SYNCRIP: variants seen among roughly 807,000 people sequenced by gnomAD.
SYNCRIP encodes the protein heterogeneous nuclear ribonucleoprotein Q.
In SYNCRIP, 9 loss-of-function variants were observed where a neutral mutation model predicts 68.9. The ratio of observed to expected loss-of-function variants is 0.13; its 90% CI spans 0.08 to 0.23. The LOEUF (loss-of-function observed/expected upper bound fraction) is 0.23. Ranked by LOEUF, SYNCRIP falls within the 10% of genes least tolerant of loss-of-function variation. The pLI is 1.00. For synonymous variants in SYNCRIP, 258 were observed against 254.0 expected (o/e 1.02, Z -0.15); for missense variants, 414 against 770.6 (o/e 0.54, Z 5.48).
Position 85,613,976 on chromosome 6 carries a change from TTAC to T in SYNCRIP, c.*777_*779del. On this transcript the variant is annotated 3_prime_UTR_variant, in exon 11 of 11. Transcript: ENST00000369622. ...CTCTAAAATACTTACCAACTTAAAC[TTAC>T]TACATGTATTATCTTTTTATTTTTG... 4 of 983,056 alleles carry T rather than the reference TTAC, an allele frequency of 4.1e-6. No individual in the cohort carries two copies. The highest frequency in any genetic ancestry group is 3.6e-6 in the Non-Finnish European group (3 of 827,736). 60.9% of individuals were successfully genotyped at this position (983,056 alleles called of 1,614,324 possible). A position where few individuals can be genotyped will look rare whatever the true frequency, so the allele number is the denominator to read the frequency against.
chr6:85,622,950 G>T (rs1057143793), intron 7 of SYNCRIP, among the ~76,000 whole-genome samples: 1 of 152,170 alleles, frequency 6.6e-6, no homozygotes, highest in Non-Finnish European at 1.5e-5. Flanking sequence ...TCACTAATTA[G>T]ATCAGAGAGG....
At chr6:85,625,954 G>C (rs1806987313) in intron 6 of SYNCRIP, among the ~76,000 whole-genome samples, 1 of 152,168 alleles carries the variant, frequency 6.6e-6, no homozygotes, top group African/African-American at 2.4e-5. Context: ...GGTATCTACT[G>C]GGTAGACAGA....
At chr6:85,619,814 GAC>G (rs1310334362) in intron 8 of SYNCRIP, among the ~76,000 whole-genome samples, 1 of 152,178 alleles carries the variant, frequency 6.6e-6, no homozygotes, top group Admixed American at 6.5e-5. Context: ...CCCTTTGAAA[GAC>G]AGTTTGGCGA....
chr6:85,609,995 G>A (rs1364811957), downstream of SYNCRIP: 1 of 151,764 alleles, frequency 6.6e-6, no homozygotes, highest in Non-Finnish European at 1.5e-5. Flanking sequence ...TTTACTAAAG[G>A]ATTAGTTATT....
chr6:85,612,992 A>G, downstream of SYNCRIP: 10 of 1,502,494 alleles, frequency 6.7e-6, no homozygotes, highest in East Asian at 2.5e-5. Context: ...ATACATAATG[A>G]TAACATTAAA....
chr6:85,615,532 T>C (rs937670688), intron 10 of SYNCRIP, among the ~76,000 whole-genome samples, 185 bp from the exon 11 acceptor site: 5 of 152,228 alleles, frequency 3.3e-5, no homozygotes, highest in African/African-American at 4.8e-5. Flanking sequence ...AGGATGACAA[T>C]ATAGGCATCC....
At chr6:85,636,175 T>C (rs1808426234) in intron 6 of SYNCRIP, among the ~76,000 whole-genome samples, 1 of 152,222 alleles carries the variant, frequency 6.6e-6, no homozygotes, top group Admixed American at 6.5e-5. Context: ...CCAGGCGTGG[T>C]GGCTCACGTC....
At chr6:85,641,846 GC>G (rs1421556064) in intron 1 of SYNCRIP, among the ~76,000 whole-genome samples, 1 of 152,054 alleles carries the variant, frequency 6.6e-6, no homozygotes, top group Non-Finnish European at 1.5e-5. Context: ...CGCTTTTCCC[GC>G]CTGCCGCTTA....
chr6:85,622,868 C>G (rs1806572945), intron 7 of SYNCRIP, among the ~76,000 whole-genome samples, 181 bp from the exon 8 acceptor site: 2 of 152,138 alleles, frequency 1.3e-5, no homozygotes, highest in Admixed American at 1.3e-4. Flanking sequence ...TAATCTGTTT[C>G]CAAGTTTTTC....
rs753947784 is a variant in SYNCRIP at position 85,637,318 on chromosome 6, G to T, written c.414C>A (p.Thr138=). The change falls in exon 5 of 11, where the codon ACC becomes ACA. Residue 138 remains threonine (T), a synonymous_variant. Transcript: ENST00000369622. ...LERTGYTLDV[T]TGQRKYGGPP... is the part of the protein sequence containing the mutation. ...GTCCTCCATACTTCCTCTGTCCAGTGGTCACATCAAGTGTGTAGCCTGTTC... is the reference window on the plus strand; with the variant it reads ...GTCCTCCATACTTCCTCTGTCCAGTTGTCACATCAAGTGTGTAGCCTGTTC... The T allele has an allele frequency of 6.2e-7, 1 of 1,613,960 alleles. No individual in the cohort carries two copies.
downstream of SYNCRIP, chr6:85,610,870 T>C (rs1030815401): frequency 2.6e-5 from 4 of 151,990 alleles, no homozygotes; most frequent in African/African-American, 9.7e-5. Context: ...AAACTTACAC[T>C]AAGTTTTGAG....
intron 6 of SYNCRIP, among the ~76,000 whole-genome samples, chr6:85,633,759 A>G (rs560169280): frequency 5.9e-5 from 9 of 151,988 alleles, no homozygotes; most frequent in Admixed American, 4.6e-4. Context: ...ATCACAGGTC[A>G]TTGCAGCCTT....
chr6:85,639,009 A>G (rs1475454945), intron 4 of SYNCRIP, among the ~76,000 whole-genome samples: 1 of 152,174 alleles, frequency 6.6e-6, no homozygotes, highest in African/African-American at 2.4e-5. Context: ...AGAGATTGAG[A>G]CCATCCCGGT....
At chr6:85,632,791 T>G (rs1006353502) in intron 6 of SYNCRIP, among the ~76,000 whole-genome samples, 1 of 151,874 alleles carries the variant, frequency 6.6e-6, no homozygotes, top group East Asian at 1.9e-4. Context: ...GTTTAAAAAT[T>G]AGCCTAGCAA....
At chr6:85,638,908 C>T (rs1390315049) in intron 4 of SYNCRIP, among the ~76,000 whole-genome samples, 1 of 152,170 alleles carries the variant, frequency 6.6e-6, no homozygotes. Context: ...CACAACTTAG[C>T]TCTCATTGAA....
intron 6 of SYNCRIP, among the ~76,000 whole-genome samples, chr6:85,626,087 T>C (rs1356082598): frequency 6.6e-6 from 1 of 152,238 alleles, no homozygotes; most frequent in African/African-American, 2.4e-5. Context: ...TCATATAGCA[T>C]TCATGTCTTT....
At chr6:85,631,580 A>T (rs1807797889) in intron 6 of SYNCRIP, among the ~76,000 whole-genome samples, 1 of 152,202 alleles carries the variant, frequency 6.6e-6, no homozygotes, top group South Asian at 2.1e-4. Context: ...GGTACCTTAG[A>T]CTAACTAGGG....
chr6:85,639,782 G>A (rs1026715262), intron 4 of SYNCRIP, among the ~76,000 whole-genome samples: 1 of 152,080 alleles, frequency 6.6e-6, no homozygotes, highest in South Asian at 2.1e-4. Context: ...TGTCAAAGCT[G>A]CTTTGAGAAA....
At chr6:85,609,292 T>G (rs1040883873), downstream of SYNCRIP, 1 of 151,918 alleles carries the variant, frequency 6.6e-6, no homozygotes, top group African/African-American at 2.4e-5. Flanking sequence ...TAATAAGGGA[T>G]CTTTTGCTGT....
Sources: gnomAD v4.1 joint callset for allele counts (sites outside exome capture counted in the v4.1 genomes callset) on GRCh38, gnomAD v4.1.1 for gene constraint, MANE v1.5 for transcripts, NCBI Gene and HGNC (gene_info 2026-07-23, HGNC 2026-07-21) for gene names.